ADAMTS2: variants seen among roughly 807,000 people sequenced by gnomAD.
ADAMTS2 encodes the protein A disintegrin and metalloproteinase with thrombospondin motifs 2.
In ADAMTS2, 50 loss-of-function variants were observed where a neutral mutation model predicts 123.0. That is an observed-to-expected ratio of 0.41 (90% CI 0.32 to 0.51). The LOEUF is 0.51. ADAMTS2 is among the 20% of genes least tolerant of loss of function. The pLI is 0.35. For missense variants in ADAMTS2, 1,494 were observed against 1,705.2 expected (o/e 0.88, Z 2.18); for synonymous variants, 678 against 695.4 (o/e 0.98, Z 0.39).
chr5:179,196,603 G>A (rs1764438180), intron 4 of ADAMTS2, among the ~76,000 whole-genome samples: 1 of 152,198 alleles, frequency 6.6e-6, no homozygotes, highest in Non-Finnish European at 1.5e-5. Context: ...GGTGGGCTGG[G>A]GTCTGAGCAG....
chr5:179,133,848 C>T (rs1384280399), intron 13 of ADAMTS2, among the ~76,000 whole-genome samples: 1 of 151,154 alleles, frequency 6.6e-6, no homozygotes, highest in East Asian at 2.0e-4. Context: ...CCTCCCGAGT[C>T]GCTGCCTGTA....
chr5:179,225,235 A>G lies in ADAMTS2; in HGVS notation c.689-17520T>C, dbSNP rs1765253437. On this transcript the variant is annotated intron_variant, in intron 3 of 21. Coordinates refer to ENST00000251582, the MANE Select transcript of ADAMTS2 (RefSeq NM_014244.5). This position sits in a 1 kb window ranked among gnomAD's most constrained non-coding sequence, Gnocchi z 4.5. Reference sequence around the variant, plus strand: ...CACCCACATCATGTGCGCTTCAGACAAAGGACTAATTTCCTTAATACATAA... The same window carrying G: ...CACCCACATCATGTGCGCTTCAGACGAAGGACTAATTTCCTTAATACATAA... Among the ~76,000 whole-genome samples, 1 of 152,240 alleles carries G rather than the reference A, an allele frequency of 6.6e-6. No homozygotes were observed. Among genetic ancestry groups the G allele is most frequent in the Non-Finnish European group, 1.5e-5 (1 of 68,046 alleles).
chr5:179,275,036 C>G (rs1446442871), intron 2 of ADAMTS2, among the ~76,000 whole-genome samples: 1 of 152,142 alleles, frequency 6.6e-6, no homozygotes, highest in Non-Finnish European at 1.5e-5. Flanking sequence ...GTGGGAAGAG[C>G]TGACCAGGTG....
chr5:179,212,905 C>T (rs1764894763), intron 3 of ADAMTS2, among the ~76,000 whole-genome samples: 1 of 152,076 alleles, frequency 6.6e-6, no homozygotes, highest in African/African-American at 2.4e-5. Flanking sequence ...CTGGGCTGGC[C>T]TCTTCACCTG....
In ADAMTS2 at chr5:179,129,829, A is replaced by G; in HGVS notation, c.2457+103T>C. The G allele has an allele frequency of 2.0e-6, 3 of 1,495,444 alleles. No individual in the cohort carries two copies. Among genetic ancestry groups the G allele is most frequent in the Non-Finnish European group, 2.7e-6 (3 of 1,093,908 alleles). 92.6% of individuals were successfully genotyped at this position (1,495,444 alleles called of 1,614,324 possible). A position where few individuals can be genotyped will look rare whatever the true frequency, so the allele number is the denominator to read the frequency against. On this transcript the variant is annotated intron_variant, in intron 16 of 21. Transcript: ENST00000251582. The surrounding 1 kb of genome is among the most constrained non-coding windows in gnomAD (Gnocchi z 4.1). ...AAGGCAGGCCAAAGGGGCCACGCAG[A>G]GTGTCACCTGAAGGGTCAGGAGGCT...
At chr5:179,335,285 C>T (rs138721725) in intron 2 of ADAMTS2, among the ~76,000 whole-genome samples, 2 of 152,088 alleles carry the variant, frequency 1.3e-5, no homozygotes, top group Non-Finnish European at 2.9e-5. Context: ...CAAAATATTA[C>T]CATTTCAACC....
Position 179,207,787 on chromosome 5 carries a change from T to C in ADAMTS2, c.689-72A>G, listed in dbSNP as rs114542136. On this transcript the variant is annotated intron_variant, in intron 3 of 21. Transcript: ENST00000251582. Reference sequence around the variant, plus strand: ...GACACAAACCTACCAGGCGCCAGCTTGGCCATCCTCTCATTTAAAACTCAT... The same window carrying C: ...GACACAAACCTACCAGGCGCCAGCTCGGCCATCCTCTCATTTAAAACTCAT... 4.7e-3 allele frequency: 6,618 copies of C among 1,400,676 alleles called. 299 individuals carry two copies. The African/African-American group carries it at 0.083, about 18-fold the overall frequency. 86.8% of individuals were successfully genotyped at this position (1,400,676 alleles called of 1,614,324 possible).
chr5:179,327,258 A>C (rs539810699), intron 2 of ADAMTS2, among the ~76,000 whole-genome samples: 1 of 152,322 alleles, frequency 6.6e-6, no homozygotes, highest in Admixed American at 6.5e-5. Context: ...CCTGAAGTGC[A>C]GAAAATTATC....
intron 11 of ADAMTS2, 148 bp from the exon 12 acceptor site, chr5:179,138,092 T>A: frequency 1.1e-6 from 1 of 878,136 alleles, no homozygotes; most frequent in Non-Finnish European, 1.8e-6. Flanking sequence ...TGCCCTGCCA[T>A]GTCCTAGCTG....
chr5:179,132,631 C>T lies in ADAMTS2; in HGVS notation c.2209+146G>A, dbSNP rs114925519. 4,572 of 1,200,114 alleles carry T rather than the reference C, an allele frequency of 3.8e-3. 81 individuals carry two copies. In the African/African-American group the frequency reaches 0.045, roughly 12 times the overall value. The allele number at this position is 1,200,114 out of a possible 1,614,324, so 74.3% of individuals were successfully genotyped here. A position where few individuals can be genotyped will look rare whatever the true frequency, so the allele number is the denominator to read the frequency against. On this transcript the variant is annotated intron_variant, in intron 14 of 21. Transcript: ENST00000251582. This position sits in a 1 kb window ranked among gnomAD's most constrained non-coding sequence, Gnocchi z 6.1. ...GGCTGTCCCCGACTTAGGATTCTCC[C>T]TCCCCCTCAGTGTCACAGACCTCTC...
At chr5:179,257,026 C>T (rs534439741) in intron 3 of ADAMTS2, among the ~76,000 whole-genome samples, 58 of 152,346 alleles carry the variant, frequency 3.8e-4, no homozygotes, top group African/African-American at 1.2e-3. Flanking sequence ...ACTGGGGTCA[C>T]CACAGCCCAT....
At chr5:179,306,906 T>C (rs970466589) in intron 2 of ADAMTS2, among the ~76,000 whole-genome samples, 1 of 152,130 alleles carries the variant, frequency 6.6e-6, no homozygotes, top group Admixed American at 6.5e-5. Context: ...TGGCTCTTAT[T>C]CCAGGACCAG....
In ADAMTS2 at chr5:179,256,081, C is replaced by T. The variant is rs1218403951; in HGVS notation, c.688+16830G>A. 1.3e-5 allele frequency among the ~76,000 whole-genome samples: 2 copies of T among 152,194 alleles called. No individual in the cohort carries two copies. Among genetic ancestry groups the T allele is most frequent in the South Asian group, 2.1e-4 (1 of 4,832 alleles). On this transcript the variant is annotated intron_variant, in intron 3 of 21. Transcript: ENST00000251582. The surrounding 1 kb of genome is among the most constrained non-coding windows in gnomAD (Gnocchi z 4.1). ...CTTGGCCTTGGTCCACCGTGGACAG[C>T]GTCTCTGACACGGTCCTTCTTCCCA...
intron 2 of ADAMTS2, among the ~76,000 whole-genome samples, chr5:179,325,094 C>A (rs2450191): frequency 0.21 from 31,230 of 152,178 alleles, 3,371 homozygotes; most frequent in Middle Eastern, 0.25. Context: ...CCCTCCTGCA[C>A]CTGCCACAGG....
At chr5:179,297,635 G>C (rs1458016287) in intron 2 of ADAMTS2, among the ~76,000 whole-genome samples, 1 of 152,034 alleles carries the variant, frequency 6.6e-6, no homozygotes, top group Non-Finnish European at 1.5e-5. Flanking sequence ...TGCATCATGG[G>C]GCATAATGCC....
intron 3 of ADAMTS2, among the ~76,000 whole-genome samples, chr5:179,212,919 T>A (rs1358235494): frequency 6.6e-6 from 1 of 152,112 alleles, no homozygotes; most frequent in Non-Finnish European, 1.5e-5. Context: ...TCACCTGCGA[T>A]GCCCTTTTTG....
Position 179,262,202 on chromosome 5 carries a change from C to T in ADAMTS2, c.688+10709G>A, listed in dbSNP as rs1766247518. Among the ~76,000 whole-genome samples, 1 of 150,342 alleles carries T rather than the reference C, an allele frequency of 6.7e-6. No homozygotes were observed. Among genetic ancestry groups the T allele is most frequent in the African/African-American group, 2.5e-5 (1 of 40,044 alleles). ...CTAACCTGCCACCCCCACCAGCACA[C>T]CTGCCCGGCCACCCCCACCAGCACA... On this transcript the variant is annotated intron_variant, in intron 3 of 21. Coordinates refer to ENST00000251582, the MANE Select transcript of ADAMTS2 (RefSeq NM_014244.5). The surrounding 1 kb of genome is among the most constrained non-coding windows in gnomAD (Gnocchi z 5.9).
In ADAMTS2 at chr5:179,162,647, C is replaced by T. The variant is rs919909983; in HGVS notation, c.976-3768G>A. On this transcript the variant is annotated intron_variant, in intron 5 of 21. Coordinates refer to ENST00000251582, the MANE Select transcript of ADAMTS2 (RefSeq NM_014244.5). The surrounding 1 kb of genome is among the most constrained non-coding windows in gnomAD (Gnocchi z 5.1). ...ACCCAAGAGACAACAAGAGAAGGCA[C>T]CTCCCCTACAGAAGCCACAGTCTGC... Among the ~76,000 whole-genome samples the T allele has an allele frequency of 6.6e-6, 1 of 152,196 alleles. No individual in the cohort carries two copies. The highest frequency in any genetic ancestry group is 1.5e-5 in the Non-Finnish European group (1 of 68,026).
chr5:179,237,193 T>C (rs967871069), intron 3 of ADAMTS2, among the ~76,000 whole-genome samples: 1 of 151,892 alleles, frequency 6.6e-6, no homozygotes, highest in Non-Finnish European at 1.5e-5. Context: ...ATCCCAGGAG[T>C]TCAAGGACAC....
Sources: allele counts gnomAD v4.1 joint callset (sites outside exome capture counted in the v4.1 genomes callset), GRCh38; gene constraint gnomAD v4.1.1; non-coding constraint Gnocchi (gnomAD v3.1); transcripts MANE v1.5; gene names NCBI Gene and HGNC (gene_info 2026-07-23, HGNC 2026-07-21).